The following HERC3 variants were observed in gnomAD, a reference collection of about 807,000 sequenced individuals.
HERC3 encodes the protein HECT and RLD domain containing E3 ubiquitin protein ligase 3.
A neutral mutation model predicts 129.9 loss-of-function variants in HERC3; 58 were observed. The ratio of observed to expected loss-of-function variants is 0.45; its 90% CI spans 0.36 to 0.56. The LOEUF (loss-of-function observed/expected upper bound fraction) is 0.56. Among genes scored for constraint, HERC3 ranks in the 20% least tolerant of loss-of-function variants. HERC3 has a pLI of 0.00. For missense variants in HERC3, 835 were observed against 1,244.2 expected, an observed-to-expected ratio of 0.67 and a Z score of 4.95; for synonymous variants, 430 against 451.0, an observed-to-expected ratio of 0.95 and a Z score of 0.59.
chr4:88,670,352 C>A lies in HERC3; in HGVS notation c.1911+100C>A. On this transcript the variant is annotated intron_variant, in intron 16 of 25. Coordinates refer to ENST00000402738, the MANE Select transcript of HERC3 (RefSeq NM_014606.3). ...CTTTGACTTTGATGTCAGTGTGTCA[C>A]CTATTCTTCATCCAGCTGGCCTTTT... The A allele has an allele frequency of 3.9e-6, 3 of 760,522 alleles. No individual in the cohort carries two copies. The Admixed American group carries it at 7.4e-5, about 19-fold the overall frequency. 47.1% of individuals were successfully genotyped at this position (760,522 alleles called of 1,614,324 possible). A position where few individuals can be genotyped will look rare whatever the true frequency, so the allele number is the denominator to read the frequency against.
intron 3 of HERC3, among the ~76,000 whole-genome samples, chr4:88,632,888 G>C (rs1726931233): frequency 6.6e-6 from 1 of 152,144 alleles, no homozygotes; most frequent in African/African-American, 2.4e-5. Context: ...AATTCTAGAA[G>C]CCCAGTGAAC....
At chr4:88,586,527 T>C in the HERC3 span, among the ~76,000 whole-genome samples, 1 of 152,022 alleles carries the variant, frequency 6.6e-6, no homozygotes, top group African/African-American at 2.4e-5. Context: ...CCCGGCTAAT[T>C]TTGTATTTTT....
chr4:88,644,251 T>C (rs1011949255), intron 3 of HERC3, among the ~76,000 whole-genome samples: 1 of 152,134 alleles, frequency 6.6e-6, no homozygotes, highest in Non-Finnish European at 1.5e-5. Context: ...AATAAACATA[T>C]ATTTACCACA....
the HERC3 span, among the ~76,000 whole-genome samples, chr4:88,541,946 A>G: frequency 1.3e-5 from 2 of 152,234 alleles, no homozygotes; most frequent in African/African-American, 2.4e-5. Flanking sequence ...CATTTAAAGC[A>G]GTGTGTGGAG....
chr4:88,682,530 T>A (rs955024326), intron 21 of HERC3, among the ~76,000 whole-genome samples: 15 of 139,586 alleles, frequency 1.1e-4, no homozygotes, highest in African/African-American at 3.9e-4. Context: ...TGTCCATGTG[T>A]TCTCATTGTT....
chr4:88,549,463 C>T, the HERC3 span, among the ~76,000 whole-genome samples: 4 of 152,130 alleles, frequency 2.6e-5, no homozygotes, highest in Admixed American at 6.5e-5. Context: ...CCTCTTCTTC[C>T]TGCTTTCCCC....
intron 3 of HERC3, among the ~76,000 whole-genome samples, chr4:88,619,864 C>T (rs770474250): frequency 6.6e-6 from 1 of 152,070 alleles, no homozygotes; most frequent in East Asian, 1.9e-4. Flanking sequence ...GGAATGAAAA[C>T]GAGATTCCAC....
At chr4:88,655,788 T>C in intron 8 of HERC3, 87 bp from the exon 9 acceptor site, 1 of 1,342,918 alleles carries the variant, frequency 7.4e-7, no homozygotes, top group Non-Finnish European at 1.0e-6. Context: ...CCCTGTGCTG[T>C]GCACATGTGG....
At chr4:88,550,530 C>T in the HERC3 span, among the ~76,000 whole-genome samples, 1 of 152,098 alleles carries the variant, frequency 6.6e-6, no homozygotes, top group Non-Finnish European at 1.5e-5. Context: ...AACTCCCATT[C>T]ACAATTGCTT....
chr4:88,649,151 C>T (rs1212865738), intron 3 of HERC3, among the ~76,000 whole-genome samples: 3 of 151,994 alleles, frequency 2.0e-5, no homozygotes, highest in Admixed American at 1.3e-4. Flanking sequence ...TAGGGTGATC[C>T]TTGTCTGGCC....
intron 12 of HERC3, among the ~76,000 whole-genome samples, chr4:88,667,098 C>G (rs1027703995): frequency 2.0e-5 from 3 of 152,170 alleles, no homozygotes; most frequent in African/African-American, 7.2e-5. Context: ...CTTGATATGA[C>G]AGTCCTTGTA....
At chr4:88,666,988 A>G (rs1731113908) in intron 12 of HERC3, among the ~76,000 whole-genome samples, 1 of 152,328 alleles carries the variant, frequency 6.6e-6, no homozygotes, top group African/African-American at 2.4e-5. Context: ...CACAGCATCT[A>G]CATCTAGTTC....
chr4:88,606,377 G>C (rs969762454), intron 3 of HERC3, among the ~76,000 whole-genome samples: 1 of 151,558 alleles, frequency 6.6e-6, no homozygotes, highest in African/African-American at 2.4e-5. Context: ...TCAGCCACCT[G>C]ACTAGCTGGG....
At position 88,658,558 on chromosome 4, in the gene HERC3, A is replaced by G. The variant is rs2149283097; in HGVS notation, c.1146+67A>G. ...TAGTGAACCAACATTTCTTTTAACA[A>G]GTAATTACAACATAAAGAGCAATGT... On this transcript the variant is annotated intron_variant, in intron 10 of 25. Coordinates refer to ENST00000402738, the MANE Select transcript of HERC3 (RefSeq NM_014606.3). 1.8e-5 allele frequency: 14 copies of G among 797,496 alleles called. No homozygotes were observed. In the South Asian group the frequency reaches 2.2e-4, roughly 12 times the overall value. The allele number at this position is 797,496 out of a possible 1,614,324, so 49.4% of individuals were successfully genotyped here. A position where few individuals can be genotyped will look rare whatever the true frequency, so the allele number is the denominator to read the frequency against.
the HERC3 span, among the ~76,000 whole-genome samples, chr4:88,537,142 A>G: frequency 1.3e-5 from 2 of 152,234 alleles, no homozygotes; most frequent in Non-Finnish European, 2.9e-5. Flanking sequence ...ATTAATATTT[A>G]TACAATATTA....
chr4:88,689,187 T>A (rs1274718277), intron 23 of HERC3, among the ~76,000 whole-genome samples: 1 of 152,112 alleles, frequency 6.6e-6, no homozygotes, highest in Non-Finnish European at 1.5e-5. Context: ...CTATCTTGAT[T>A]TTCTTTCATA....
At chr4:88,540,380 G>A in the HERC3 span, among the ~76,000 whole-genome samples, 6 of 152,288 alleles carry the variant, frequency 3.9e-5, no homozygotes, top group Admixed American at 3.3e-4. Flanking sequence ...AATAAAGTGA[G>A]AAGACAAGTT....
At position 88,654,129 on chromosome 4, in the gene HERC3, C is replaced by A. The variant is rs1729587328; in HGVS notation, c.773C>A (p.Thr258Lys). The change falls in exon 7 of 26, where the codon ACA becomes AAA. Residue 258 changes from threonine to lysine, a missense_variant. Coordinates refer to ENST00000402738, the MANE Select transcript of HERC3 (RefSeq NM_014606.3). ...SCGEEHTAVL[T>K]KSGGVFTFGA... Reference sequence around the variant, plus strand: ...GGAGAAGAACACACAGCAGTTCTCACAAAGGTAAGGAGCTCAGAGTATTTT... The same window carrying A: ...GGAGAAGAACACACAGCAGTTCTCAAAAAGGTAAGGAGCTCAGAGTATTTT... The A allele has an allele frequency of 1.2e-6, 2 of 1,609,620 alleles. No homozygotes were observed. Among genetic ancestry groups the A allele is most frequent in the African/African-American group, 2.7e-5 (2 of 74,766 alleles).
the HERC3 span, among the ~76,000 whole-genome samples, chr4:88,554,357 A>AG: frequency 6.6e-6 from 1 of 152,046 alleles, no homozygotes; most frequent in Non-Finnish European, 1.5e-5. Context: ...AAAAAAAAAA[A>AG]AAAAAAAGGT....
Sources: allele counts gnomAD v4.1 joint callset (sites outside exome capture counted in the v4.1 genomes callset), GRCh38; gene constraint gnomAD v4.1.1; transcripts MANE v1.5; gene names NCBI Gene and HGNC (gene_info 2026-07-23, HGNC 2026-07-21).